The following GPC5 variants were observed in gnomAD, a reference collection of about 807,000 sequenced individuals.
The protein encoded by GPC5 is glypican-5.
GPC5 carries 47 observed loss-of-function variants against 53.9 expected under a neutral mutation model. The ratio of observed to expected loss-of-function variants is 0.87; its 90% CI spans 0.69 to 1.11. GPC5 has a LOEUF of 1.11. Among genes scored for constraint, GPC5 ranks in the 50% most tolerant of loss-of-function variants. The pLI is 0.00. For synonymous variants in GPC5, 286 were observed against 263.3 expected (o/e 1.09, Z -0.84); for missense variants, 748 against 713.1 (o/e 1.05, Z -0.56).
At chr13:91,543,736 C>T (rs1305673658) in intron 2 of GPC5, among the ~76,000 whole-genome samples, 2 of 152,082 alleles carry the variant, frequency 1.3e-5, no homozygotes, top group Non-Finnish European at 2.9e-5. Context: ...ATTCTCTGTT[C>T]CCTGCAGTAA....
rs143905242 is a variant in GPC5 at position 92,001,828 on chromosome 13, G to T, written c.1401+93771G>T. 2.1e-3 allele frequency among the ~76,000 whole-genome samples: 318 copies of T among 152,098 alleles called. 1 individual carries two copies. Among genetic ancestry groups the T allele is most frequent in the South Asian group, 0.011 (54 of 4,828 alleles). ...GAGAAGCATATTAGATACAACAAAA[G>T]AAAATATTAGTGAATTGGAAGGCAT... On this transcript the variant is annotated intron_variant, in intron 6 of 7. Transcript: ENST00000377067.
chr13:92,409,296 T>C (rs1875940545), intron 7 of GPC5, among the ~76,000 whole-genome samples: 1 of 151,536 alleles, frequency 6.6e-6, no homozygotes, highest in Non-Finnish European at 1.5e-5. Flanking sequence ...ATTATAAAAA[T>C]ACAAAGAACA....
intron 7 of GPC5, among the ~76,000 whole-genome samples, chr13:92,205,322 T>A (rs1330530450): frequency 6.6e-5 from 10 of 152,200 alleles, no homozygotes. Flanking sequence ...ATTGATTGAT[T>A]AATTACCTAT....
chr13:91,509,420 T>TTTTTTTTTTTTTTTTTG (rs1555316907), intron 2 of GPC5, among the ~76,000 whole-genome samples: 1 of 146,040 alleles, frequency 6.8e-6, no homozygotes, highest in Admixed American at 7.1e-5. Context: ...ATTCATATTT[T>TTTTTTTTTTTTTTTTTG]AAGGATCAAA....
At chr13:91,821,166 T>C (rs1003450581) in intron 5 of GPC5, among the ~76,000 whole-genome samples, 3 of 152,202 alleles carry the variant, frequency 2.0e-5, no homozygotes, top group African/African-American at 7.2e-5. Context: ...CTCAATAATA[T>C]TTTATATTTC....
intron 2 of GPC5, among the ~76,000 whole-genome samples, chr13:91,520,680 A>G (rs2139366043): frequency 6.6e-6 from 1 of 151,884 alleles, no homozygotes; most frequent in South Asian, 2.1e-4. Context: ...ATGTGTGTAT[A>G]TATATGTGTG....
At chr13:92,834,424 C>T (rs1878156652) in intron 7 of GPC5, among the ~76,000 whole-genome samples, 1 of 152,098 alleles carries the variant, frequency 6.6e-6, no homozygotes, top group African/African-American at 2.4e-5. Context: ...CTAACTCTGA[C>T]TTCCAAACTC....
intron 7 of GPC5, among the ~76,000 whole-genome samples, chr13:92,233,320 T>C (rs2042544835): frequency 6.6e-6 from 1 of 152,242 alleles, no homozygotes. Flanking sequence ...TCCTGCAGTT[T>C]TCAGCATTTC....
At chr13:91,661,406 T>C (rs184019877) in intron 2 of GPC5, among the ~76,000 whole-genome samples, 22 of 152,350 alleles carry the variant, frequency 1.4e-4, no homozygotes, top group Admixed American at 1.3e-3. Flanking sequence ...TGGATTTCCA[T>C]GGGGCCTGAG....
intron 5 of GPC5, among the ~76,000 whole-genome samples, chr13:91,889,999 A>G (rs1326242404): frequency 6.6e-6 from 1 of 152,238 alleles, no homozygotes; most frequent in Non-Finnish European, 1.5e-5. Context: ...GTAGGAATAT[A>G]TGTGCCATAG....
intron 7 of GPC5, among the ~76,000 whole-genome samples, chr13:92,406,431 CACT>C (rs1875798095): frequency 6.6e-6 from 1 of 151,990 alleles, no homozygotes; most frequent in African/African-American, 2.4e-5. Flanking sequence ...AATTTTCTTC[CACT>C]ACCAAAATAT....
At chr13:91,501,923 G>T (rs1441630022) in intron 2 of GPC5, among the ~76,000 whole-genome samples, 2 of 152,162 alleles carry the variant, frequency 1.3e-5, no homozygotes, top group East Asian at 1.9e-4. Context: ...TCCTGACTTT[G>T]TAATGATCGC....
intron 7 of GPC5, chr13:92,490,066 T>A (rs1322894765): frequency 6.5e-6 from 1 of 153,762 alleles, no homozygotes; most frequent in East Asian, 1.9e-4. Flanking sequence ...TTTTAAAAAA[T>A]TTATCTATAA....
intron 5 of GPC5, among the ~76,000 whole-genome samples, chr13:91,823,121 T>G (rs560135479): frequency 6.6e-6 from 1 of 152,070 alleles, no homozygotes; most frequent in Admixed American, 6.6e-5. Context: ...CAATAAAGTA[T>G]GTATTAATAG....
chr13:92,284,647 A>G (rs2042940649), intron 7 of GPC5, among the ~76,000 whole-genome samples: 1 of 152,184 alleles, frequency 6.6e-6, no homozygotes, highest in East Asian at 1.9e-4. Flanking sequence ...AAAACACATG[A>G]TTATCTCAAT....
intron 2 of GPC5, among the ~76,000 whole-genome samples, chr13:91,615,156 G>C (rs147755675): frequency 2.6e-5 from 4 of 152,128 alleles, no homozygotes; most frequent in Non-Finnish European, 5.9e-5. Context: ...TAAGATAAAG[G>C]TTCAGTACAG....
At chr13:92,383,676 A>T (rs1411767147) in intron 7 of GPC5, among the ~76,000 whole-genome samples, 2 of 152,176 alleles carry the variant, frequency 1.3e-5, no homozygotes, top group Non-Finnish European at 2.9e-5. Flanking sequence ...TGTCATGAAT[A>T]TCTCTTTATG....
chr13:92,543,793 T>C (rs1173302981), intron 7 of GPC5, among the ~76,000 whole-genome samples: 1 of 152,156 alleles, frequency 6.6e-6, no homozygotes, highest in African/African-American at 2.4e-5. Flanking sequence ...ATATTTGAAC[T>C]CTTTCTATAT....
chr13:91,619,348 C>T (rs1424834795), intron 2 of GPC5, among the ~76,000 whole-genome samples: 2 of 152,026 alleles, frequency 1.3e-5, no homozygotes, highest in Non-Finnish European at 2.9e-5. Flanking sequence ...CCCCCAGCTC[C>T]TATACGAGGG....
Sources: gnomAD v4.1 joint callset for allele counts (sites outside exome capture counted in the v4.1 genomes callset) on GRCh38, gnomAD v4.1.1 for gene constraint, MANE v1.5 for transcripts, NCBI Gene and HGNC (gene_info 2026-07-23, HGNC 2026-07-21) for gene names.